Variants in KIF6 observed in about 807,000 individuals in gnomAD.
KIF6 encodes the protein kinesin family member 6, also known as kinesin-like protein KIF6.
KIF6 carries 106 observed loss-of-function variants against 112.7 expected under a neutral mutation model. The observed-to-expected ratio is 0.94, with a 90% CI of 0.80 to 1.11. The LOEUF is 1.11. Ranked by LOEUF, KIF6 falls within the 50% of genes least tolerant of loss-of-function variation. The pLI, the probability that KIF6 is intolerant of heterozygous loss-of-function variation, is 0.00. For synonymous variants in KIF6, 339 were observed against 339.9 expected, an observed-to-expected ratio of 1.00 and a Z score of 0.03; for missense variants, 929 against 964.0, an observed-to-expected ratio of 0.96 and a Z score of 0.48.
intron 3 of KIF6, among the ~76,000 whole-genome samples, chr6:39,683,950 A>C (rs747225921): frequency 1.3e-5 from 2 of 152,244 alleles, no homozygotes; most frequent in Non-Finnish European, 2.9e-5. Context: ...GAAAGACTTG[A>C]CCTAGTCAAA....
chr6:39,406,323 G>A (rs1020876873), intron 15 of KIF6, among the ~76,000 whole-genome samples: 7 of 152,008 alleles, frequency 4.6e-5, no homozygotes, highest in African/African-American at 1.2e-4. Flanking sequence ...CCCCTTTTTC[G>A]TTCCTGGTAT....
chr6:39,668,008 T>C (rs892603471), intron 3 of KIF6, among the ~76,000 whole-genome samples: 1 of 152,128 alleles, frequency 6.6e-6, no homozygotes, highest in Admixed American at 6.6e-5. Flanking sequence ...AAGTGGGTGG[T>C]ACCTTGCCCC....
At chr6:39,542,742 C>T (rs1195124051) in intron 12 of KIF6, among the ~76,000 whole-genome samples, 1 of 152,216 alleles carries the variant, frequency 6.6e-6, no homozygotes, top group African/African-American at 2.4e-5. Flanking sequence ...AATTACATCA[C>T]ACTCCGCAGT....
chr6:39,530,371 T>C (rs556242712), intron 13 of KIF6, among the ~76,000 whole-genome samples: 3 of 152,324 alleles, frequency 2.0e-5, no homozygotes, highest in Middle Eastern at 3.4e-3. Flanking sequence ...CTATTTAGAA[T>C]AGGCAGTCAG....
chr6:39,450,959 C>T lies in KIF6; in HGVS notation c.1646-19798G>A, dbSNP rs536278133. 2.0e-5 allele frequency among the ~76,000 whole-genome samples: 3 copies of T among 152,134 alleles called. No individual in the cohort carries two copies. In the South Asian group the frequency reaches 6.2e-4, roughly 32 times the overall value. Reference sequence around the variant, plus strand: ...TTTTACTTAACATTATCTCATAATCCTTTTTTCGTCAGTAGTGAAAGTCTT... The same window carrying T: ...TTTTACTTAACATTATCTCATAATCTTTTTTTCGTCAGTAGTGAAAGTCTT... On this transcript the variant is annotated intron_variant, in intron 13 of 22. Coordinates refer to ENST00000287152, the MANE Select transcript of KIF6 (RefSeq NM_145027.6).
At chr6:39,637,576 T>C (rs1365332928) in intron 4 of KIF6, among the ~76,000 whole-genome samples, 1 of 152,028 alleles carries the variant, frequency 6.6e-6, no homozygotes, top group Non-Finnish European at 1.5e-5. Flanking sequence ...GGGCTCTTAC[T>C]GTATCTTGAA....
intron 14 of KIF6, among the ~76,000 whole-genome samples, chr6:39,426,122 A>G (rs543846611): frequency 6.6e-6 from 1 of 152,336 alleles, no homozygotes; most frequent in East Asian, 1.9e-4. Context: ...TCTGCCACAA[A>G]AGAAAGCTTG....
chr6:39,550,603 A>C (rs902758215), intron 10 of KIF6, among the ~76,000 whole-genome samples: 14 of 152,360 alleles, frequency 9.2e-5, no homozygotes, highest in African/African-American at 2.6e-4. Context: ...TGGTAGAACC[A>C]TGGAAATTGG....
At chr6:39,435,283 A>G (rs1231793806) in intron 13 of KIF6, among the ~76,000 whole-genome samples, 2 of 151,060 alleles carry the variant, frequency 1.3e-5, no homozygotes, top group African/African-American at 4.8e-5. Flanking sequence ...ACAGAACCAT[A>G]TATGTTTTTT....
At chr6:39,437,762 A>G (rs907573183) in intron 13 of KIF6, among the ~76,000 whole-genome samples, 1 of 152,198 alleles carries the variant, frequency 6.6e-6, no homozygotes, top group Non-Finnish European at 1.5e-5. Flanking sequence ...GGTGAACTGC[A>G]TGTACGACGG....
Position 39,639,607 on chromosome 6 carries a change from T to C in KIF6, c.399+3A>G, listed in dbSNP as rs747952752. ...AAAATGATATGAACGAAAAGTTTCA[T>C]ACCTTTTGTAACTGTTCAAAAATGT... On this transcript the variant is annotated splice_donor_region_variant and intron_variant, in intron 4 of 22. Transcript: ENST00000287152. 1.9e-6 allele frequency: 3 copies of C among 1,560,500 alleles called. No homozygotes were observed. Among genetic ancestry groups the C allele is most frequent in the Admixed American group, 4.2e-5 (2 of 47,758 alleles).
chr6:39,721,713 C>T (rs75022566), intron 1 of KIF6, among the ~76,000 whole-genome samples: 4,073 of 151,934 alleles, frequency 0.027, 173 homozygotes, highest in African/African-American at 0.092. Context: ...ACAGAATTAC[C>T]TCCCTTACAA....
At chr6:39,612,743 T>C (rs1179323759) in intron 6 of KIF6, among the ~76,000 whole-genome samples, 1 of 152,200 alleles carries the variant, frequency 6.6e-6, no homozygotes, top group African/African-American at 2.4e-5. Context: ...TGAAAACATA[T>C]GGATATGTAA....
chr6:39,603,822 G>C (rs1782719289), intron 6 of KIF6, among the ~76,000 whole-genome samples: 1 of 151,822 alleles, frequency 6.6e-6, no homozygotes, highest in Non-Finnish European at 1.5e-5. Flanking sequence ...AAATTTTCTA[G>C]GGTACCACTT....
At chr6:39,496,659 A>G (rs1300539285) in intron 13 of KIF6, among the ~76,000 whole-genome samples, 4 of 152,186 alleles carry the variant, frequency 2.6e-5, no homozygotes, top group Admixed American at 6.5e-5. Flanking sequence ...GGAAATCCCC[A>G]TTACACTCAA....
At chr6:39,623,373 T>A (rs1783927990) in intron 5 of KIF6, among the ~76,000 whole-genome samples, 1 of 152,216 alleles carries the variant, frequency 6.6e-6, no homozygotes, top group Non-Finnish European at 1.5e-5. Context: ...CTCATTAATA[T>A]GAGAACACCC....
chr6:39,659,410 T>C (rs1449903272), intron 3 of KIF6, among the ~76,000 whole-genome samples: 2 of 152,182 alleles, frequency 1.3e-5, no homozygotes, highest in African/African-American at 4.8e-5. Flanking sequence ...TTTCTGTATA[T>C]TGCCACAGAA....
At chr6:39,458,330 G>A (rs1036710671) in intron 13 of KIF6, among the ~76,000 whole-genome samples, 2 of 149,784 alleles carry the variant, frequency 1.3e-5, no homozygotes, top group African/African-American at 5.0e-5. Context: ...AACTCTTCAT[G>A]CTAAAAACTC....
At position 39,540,208 on chromosome 6, in the gene KIF6, G is replaced by A; in HGVS notation, c.1440C>T (p.Asn480=). 1 of 1,607,198 alleles carries A rather than the reference G, an allele frequency of 6.2e-7. No homozygotes were observed. The highest frequency in any genetic ancestry group is 8.5e-7 in the Non-Finnish European group (1 of 1,177,520). ...QRDNEINILV[N]MLKKEKKKAQ... ...CTTTCTTCTTTTCTTTTTTTAACAT[G>A]TTGACCAGGATATCTGAAACTTGAC... Residue 480 remains asparagine (N), a synonymous_variant, in exon 13 of 23, where the codon AAC becomes AAT. Transcript: ENST00000287152.
Sources: gnomAD v4.1 joint callset for allele counts (sites outside exome capture counted in the v4.1 genomes callset) on GRCh38, gnomAD v4.1.1 for gene constraint, MANE v1.5 for transcripts, NCBI Gene and HGNC (gene_info 2026-07-23, HGNC 2026-07-21) for gene names.